TMEM158: variants seen among roughly 807,000 people sequenced by gnomAD.
TMEM158 encodes transmembrane protein 158.
TMEM158 carries 7 observed loss-of-function variants against 12.0 expected under a neutral mutation model. The ratio of observed to expected loss-of-function variants is 0.59; its 90% confidence interval spans 0.33 to 1.10. The LOEUF is 1.10. Ranked by LOEUF, TMEM158 falls within the 50% of genes least tolerant of loss-of-function variation. TMEM158 has a pLI of 0.03. For synonymous variants in TMEM158, 209 were observed against 231.1 expected, an observed-to-expected ratio of 0.90 and a Z score of 0.87; for missense variants, 405 against 454.7, an observed-to-expected ratio of 0.89 and a Z score of 0.99.
rs1320368667 is a variant in TMEM158 at position 45,225,311 on chromosome 3, G to T, written c.717C>A (p.Ala239=). 4.7e-6 allele frequency: 7 copies of T among 1,500,294 alleles called. No individual in the cohort carries two copies. The highest frequency in any genetic ancestry group is 6.3e-6 in the Non-Finnish European group (7 of 1,119,612). The allele number at this position is 1,500,294 out of a possible 1,614,324, so 92.9% of individuals were successfully genotyped here. ...MTLVIVVWSV[A]ALIWPVPIIA... ...TGATGGGCACCGGCCAGATGAGGGC[G>T]GCCACGCTCCACACCACGATGACCA... The change falls in exon 1 of 1, where the codon GCC becomes GCA. Residue 239 remains alanine (A), a synonymous_variant. Transcript: ENST00000503771. The surrounding 1 kb of genome is among the most constrained non-coding windows in gnomAD (Gnocchi z 5.7).
At position 45,225,577 on chromosome 3, in the gene TMEM158, C is replaced by T; in HGVS notation, c.451G>A (p.Gly151Ser). 1 of 1,145,264 alleles carries T rather than the reference C, an allele frequency of 8.7e-7. No individual in the cohort carries two copies. Among genetic ancestry groups the T allele is most frequent in the Non-Finnish European group, 1.1e-6 (1 of 934,486 alleles). 70.9% of individuals were successfully genotyped at this position (1,145,264 alleles called of 1,614,324 possible). A position where few individuals can be genotyped will look rare whatever the true frequency, so the allele number is the denominator to read the frequency against. The change falls in exon 1 of 1, where the codon GGT becomes AGT. Residue 151 changes from glycine (G) to serine (S), a missense_variant. Transcript: ENST00000503771. This position sits in a 1 kb window ranked among gnomAD's most constrained non-coding sequence, Gnocchi z 5.7. Reference sequence around the variant, plus strand: ...GGCCGGAGGCGGCCGGTGCGGCGACCGCGCACCCAGCCGCAGCCCACGCAG... The same window carrying T: ...GGCCGGAGGCGGCCGGTGCGGCGACTGCGCACCCAGCCGCAGCCCACGCAG... ...RLCVGCGWVR[G>S]RRTGRLRPAA...
Position 45,225,786 on chromosome 3 carries a change from TG to T in TMEM158, c.241del (p.Gln81ArgfsTer3). 1 of 1,411,304 alleles carries T rather than the reference TG, an allele frequency of 7.1e-7. No homozygotes were observed. Among genetic ancestry groups the T allele is most frequent in the Non-Finnish European group, 9.3e-7 (1 of 1,076,994 alleles). 87.4% of individuals were successfully genotyped at this position (1,411,304 alleles called of 1,614,324 possible). ...AAPCNISVQR[Q>X]MLSSLLVRWG... ...GCGCACGAGCAGCGAGCTCAGCATC[TG>T]CCGCTGCACGCTGATGTTGCACGGC... On this transcript the variant is annotated frameshift_variant, in exon 1 of 1. Coordinates refer to ENST00000503771, the MANE Select transcript of TMEM158 (RefSeq NM_015444.3). LOFTEE classifies it high-confidence loss of function. This position sits in a 1 kb window ranked among gnomAD's most constrained non-coding sequence, Gnocchi z 5.7.
rs1216209688 is a variant in TMEM158, at chr3:45,225,219, G to T, written c.809C>A (p.Pro270His). ...GGTGGTCCCTGCGGGCACTGCGGCG[G>T]GGGTGGCTGCGGTGGTGCTGGCGGT... ...RTTASTTAATPAAVPAGTTAA... is the reference protein window; with the variant it reads ...RTTASTTAATHAAVPAGTTAA... Residue 270 changes from proline to histidine, a missense_variant, in exon 1 of 1, where the codon CCC becomes CAC. Pro to His is a moderately conservative substitution (Grantham distance 77). Transcript: ENST00000503771. This position sits in a 1 kb window ranked among gnomAD's most constrained non-coding sequence, Gnocchi z 5.7. 1.5e-6 allele frequency: 2 copies of T among 1,299,978 alleles called. No individual in the cohort carries two copies. Among genetic ancestry groups the T allele is most frequent in the Non-Finnish European group, 2.0e-6 (2 of 1,019,148 alleles). 80.5% of individuals were successfully genotyped at this position (1,299,978 alleles called of 1,614,324 possible). A position where few individuals can be genotyped will look rare whatever the true frequency, so the allele number is the denominator to read the frequency against.
At position 45,226,140 on chromosome 3, in the gene TMEM158, G is replaced by C. The variant is rs1428277962; in HGVS notation, c.-113C>G. 1.0e-6 allele frequency: 1 copy of C among 979,470 alleles called. No individual in the cohort carries two copies. Among genetic ancestry groups the C allele is most frequent in the Non-Finnish European group, 1.2e-6 (1 of 827,164 alleles). The allele number at this position is 979,470 out of a possible 1,614,324, so 60.7% of individuals were successfully genotyped here. On this transcript the variant is annotated 5_prime_UTR_variant, in exon 1 of 1. Coordinates refer to ENST00000503771, the MANE Select transcript of TMEM158 (RefSeq NM_015444.3). Reference sequence around the variant, plus strand: ...GGGAGCCGGCGGCCGGGCGCAGTGCGGGCGCGCCGGGCGCCTGCCAAGCCC... The same window carrying C: ...GGGAGCCGGCGGCCGGGCGCAGTGCCGGCGCGCCGGGCGCCTGCCAAGCCC...
In TMEM158 at chr3:45,225,150, ACGGCCGCGGCGGCGGCGGCAGCGGCGG is replaced by A; in HGVS notation, c.851_877del (p.Ala284_Ala292del). On this transcript the variant is annotated inframe_deletion, in exon 1 of 1. Transcript: ENST00000503771. The surrounding 1 kb of genome is among the most constrained non-coding windows in gnomAD (Gnocchi z 5.7). ...TCACTTGGTCGCCACCCCCGAAGTGACGGCCGCGGCGGCGGCGGCAGCGGCGGCGGCGGCGGCGGCTGCGGTGGTCCC... is the reference window on the plus strand; with the variant it reads ...TCACTTGGTCGCCACCCCCGAAGTGACGGCGGCGGCGGCTGCGGTGGTCCC... The A allele has an allele frequency of 1.6e-6, 2 of 1,260,988 alleles. No homozygotes were observed. The highest frequency in any genetic ancestry group is 2.0e-6 in the Non-Finnish European group (2 of 1,007,512). 78.1% of individuals were successfully genotyped at this position (1,260,988 alleles called of 1,614,324 possible). A position where few individuals can be genotyped will look rare whatever the true frequency, so the allele number is the denominator to read the frequency against.
chr3:45,226,202 C>G lies in TMEM158; in HGVS notation c.-175G>C, dbSNP rs546755037. 33 of 849,040 alleles carry G rather than the reference C, an allele frequency of 3.9e-5. No homozygotes were observed. The East Asian group carries it at 2.9e-3, about 73-fold the overall frequency. 52.6% of individuals were successfully genotyped at this position (849,040 alleles called of 1,614,324 possible). A position where few individuals can be genotyped will look rare whatever the true frequency, so the allele number is the denominator to read the frequency against. ...GCGGAGGCGGTGACGGCGGCTGGCTCGGCGCGGGGATCCCTCCAGACCCGG... is the reference window on the plus strand; with the variant it reads ...GCGGAGGCGGTGACGGCGGCTGGCTGGGCGCGGGGATCCCTCCAGACCCGG... On this transcript the variant is annotated 5_prime_UTR_variant, in exon 1 of 1. Coordinates refer to ENST00000503771, the MANE Select transcript of TMEM158 (RefSeq NM_015444.3).
Position 45,225,787 on chromosome 3 carries a change from G to A in TMEM158, c.241C>T (p.Gln81Ter), listed in dbSNP as rs1700152723. The change falls in exon 1 of 1, where the codon CAG becomes TAG. Residue 81 changes from glutamine to a stop codon, truncating the protein, a stop_gained. Transcript: ENST00000503771. LOFTEE classifies it high-confidence loss of function. The surrounding 1 kb of genome is among the most constrained non-coding windows in gnomAD (Gnocchi z 5.7). ...AAPCNISVQR[Q>*]MLSSLLVRWG... ...CGCACGAGCAGCGAGCTCAGCATCT[G>A]CCGCTGCACGCTGATGTTGCACGGC... The A allele has an allele frequency of 1.4e-6, 2 of 1,407,014 alleles. No individual in the cohort carries two copies. Among genetic ancestry groups the A allele is most frequent in the Non-Finnish European group, 1.9e-6 (2 of 1,074,592 alleles). 87.2% of individuals were successfully genotyped at this position (1,407,014 alleles called of 1,614,324 possible).
Position 45,225,525 on chromosome 3 carries a change from G to T in TMEM158, c.503C>A (p.Ala168Asp). The T allele has an allele frequency of 9.5e-7, 1 of 1,056,168 alleles. No individual in the cohort carries two copies. Among genetic ancestry groups the T allele is most frequent in the Non-Finnish European group, 1.1e-6 (1 of 875,108 alleles). 65.4% of individuals were successfully genotyped at this position (1,056,168 alleles called of 1,614,324 possible). Residue 168 changes from alanine to aspartate, a missense_variant, in exon 1 of 1, where the codon GCC (alanine) becomes GAC (aspartate). Coordinates refer to ENST00000503771, the MANE Select transcript of TMEM158 (RefSeq NM_015444.3). The surrounding 1 kb of genome is among the most constrained non-coding windows in gnomAD (Gnocchi z 5.7). ...CAGCGCGGTGGGCGCCCCGGCGGTG[G>T]CGGCGGCGGCGCTGGGGGCGGCGGC... ...RPAAAPSAAA[A>D]TAGAPTALPA...
rs1355661979 is a variant in TMEM158 at position 45,225,296 on chromosome 3, C to T, written c.732G>A (p.Pro244=). 2 of 1,473,302 alleles carry T rather than the reference C, an allele frequency of 1.4e-6. No homozygotes were observed. Among genetic ancestry groups the T allele is most frequent in the South Asian group, 1.3e-5 (1 of 74,186 alleles). The allele number at this position is 1,473,302 out of a possible 1,614,324, so 91.3% of individuals were successfully genotyped here. Residue 244 remains proline (P), a synonymous_variant, in exon 1 of 1, where the codon CCG becomes CCA. Coordinates refer to ENST00000503771, the MANE Select transcript of TMEM158 (RefSeq NM_015444.3). The surrounding 1 kb of genome is among the most constrained non-coding windows in gnomAD (Gnocchi z 5.7). Reference sequence around the variant, plus strand: ...GCAGGAAGCCGGCGATGATGGGCACCGGCCAGATGAGGGCGGCCACGCTCC... The same window carrying T: ...GCAGGAAGCCGGCGATGATGGGCACTGGCCAGATGAGGGCGGCCACGCTCC... ...VVWSVAALIW[P]VPIIAGFLPN... is the part of the protein sequence containing the mutation.
Position 45,225,811 on chromosome 3 carries a change from G to A in TMEM158, c.217C>T (p.Pro73Ser). The A allele has an allele frequency of 7.5e-7, 1 of 1,332,102 alleles. No homozygotes were observed. The highest frequency in any genetic ancestry group is 9.6e-7 in the Non-Finnish European group (1 of 1,038,574). The allele number at this position is 1,332,102 out of a possible 1,614,324, so 82.5% of individuals were successfully genotyped here. Reference sequence around the variant, plus strand: ...TGCCGCTGCACGCTGATGTTGCACGGCGCCGCCGCCGCCGCCGCCTCCTCC... The same window carrying A: ...TGCCGCTGCACGCTGATGTTGCACGACGCCGCCGCCGCCGCCGCCTCCTCC... Reference protein sequence around the residue: ...GPEEAAAAAAPCNISVQRQML... With the variant: ...GPEEAAAAAASCNISVQRQML... Residue 73 changes from proline to serine, a missense_variant, in exon 1 of 1, where the codon CCG (proline) becomes TCG (serine). By Grantham distance (74) the Pro-to-Ser change is moderately conservative. Transcript: ENST00000503771. This position sits in a 1 kb window ranked among gnomAD's most constrained non-coding sequence, Gnocchi z 5.7.
At position 45,225,999 on chromosome 3, in the gene TMEM158, G is replaced by A; in HGVS notation, c.29C>T (p.Ala10Val). 9.4e-7 allele frequency: 1 copy of A among 1,058,562 alleles called. No homozygotes were observed. The highest frequency in any genetic ancestry group is 7.0e-5 in the East Asian group (1 of 14,222). The allele number at this position is 1,058,562 out of a possible 1,614,324, so 65.6% of individuals were successfully genotyped here. A position where few individuals can be genotyped will look rare whatever the true frequency, so the allele number is the denominator to read the frequency against. The change falls in exon 1 of 1, where the codon GCC becomes GTC. Residue 10 changes from alanine (A) to valine (V), a missense_variant. Coordinates refer to ENST00000503771, the MANE Select transcript of TMEM158 (RefSeq NM_015444.3). The surrounding 1 kb of genome is among the most constrained non-coding windows in gnomAD (Gnocchi z 5.7). MLPLLAALL[A>V]AACPLPPVRG... ...GACGGGCGGCAGCGGGCAGGCGGCG[G>A]CCAGGAGCGCGGCGAGCAGGGGCAG... is the stretch of plus-strand genomic sequence containing the variant.
chr3:45,225,982 G>C lies in TMEM158; in HGVS notation c.46C>G (p.Pro16Ala). 9.2e-7 allele frequency: 1 copy of C among 1,090,680 alleles called. No individual in the cohort carries two copies. Among genetic ancestry groups the C allele is most frequent in the Non-Finnish European group, 1.1e-6 (1 of 900,648 alleles). 67.6% of individuals were successfully genotyped at this position (1,090,680 alleles called of 1,614,324 possible). A position where few individuals can be genotyped will look rare whatever the true frequency, so the allele number is the denominator to read the frequency against. ...AALLAAACPLPPVRGGAADAP... is the reference protein window; with the variant it reads ...AALLAAACPLAPVRGGAADAP... ...TCCGCGGCCCCGCCGCGGACGGGCG[G>C]CAGCGGGCAGGCGGCGGCCAGGAGC... The change falls in exon 1 of 1, where the codon CCG becomes GCG. Residue 16 changes from proline to alanine, a missense_variant. By Grantham distance (27) the Pro-to-Ala change is conservative. Coordinates refer to ENST00000503771, the MANE Select transcript of TMEM158 (RefSeq NM_015444.3). The surrounding 1 kb of genome is among the most constrained non-coding windows in gnomAD (Gnocchi z 5.7).
At position 45,226,195 on chromosome 3, in the gene TMEM158, G is replaced by A; in HGVS notation, c.-168C>T. ...GGGCGGCGCGGAGGCGGTGACGGCG[G>A]CTGGCTCGGCGCGGGGATCCCTCCA... On this transcript the variant is annotated 5_prime_UTR_variant, in exon 1 of 1. Coordinates refer to ENST00000503771, the MANE Select transcript of TMEM158 (RefSeq NM_015444.3). The A allele has an allele frequency of 1.1e-6, 1 of 887,010 alleles. No individual in the cohort carries two copies. Among genetic ancestry groups the A allele is most frequent in the Non-Finnish European group, 1.3e-6 (1 of 741,740 alleles). 54.9% of individuals were successfully genotyped at this position (887,010 alleles called of 1,614,324 possible). A position where few individuals can be genotyped will look rare whatever the true frequency, so the allele number is the denominator to read the frequency against.
rs768023286 is a variant in TMEM158 at position 45,225,370 on chromosome 3, T to C, written c.658A>G (p.Ile220Val). The C allele has an allele frequency of 1.3e-6, 2 of 1,523,428 alleles. No individual in the cohort carries two copies. The highest frequency in any genetic ancestry group is 2.7e-5 in the East Asian group (1 of 37,600). 94.4% of individuals were successfully genotyped at this position (1,523,428 alleles called of 1,614,324 possible). A position where few individuals can be genotyped will look rare whatever the true frequency, so the allele number is the denominator to read the frequency against. The change falls in exon 1 of 1, where the codon ATT becomes GTT. Residue 220 changes from isoleucine (I) to valine (V), a missense_variant. By Grantham distance (29) the Ile-to-Val change is conservative. Transcript: ENST00000503771. The surrounding 1 kb of genome is among the most constrained non-coding windows in gnomAD (Gnocchi z 5.7). ...EPGWRLNRKP[I>V]ESTLVACFMT... is the part of the protein sequence containing the mutation. ...AAGCAGGCCACCAGCGTGGACTCAATGGGCTTACGGTTCAGCCGCCAGCCC... is the reference window on the plus strand; with the variant it reads ...AAGCAGGCCACCAGCGTGGACTCAACGGGCTTACGGTTCAGCCGCCAGCCC...
rs1269859776 is a variant in TMEM158 at position 45,225,217 on chromosome 3, CGGGGGTGGCTGCGGT to C, written c.796_810del (p.Thr266_Pro270del). ...GCGGTGGTCCCTGCGGGCACTGCGG[CGGGGGTGGCTGCGGT>C]GGTGCTGGCGGTGGTCCGGCGCTGT... On this transcript the variant is annotated inframe_deletion, in exon 1 of 1. Transcript: ENST00000503771. The surrounding 1 kb of genome is among the most constrained non-coding windows in gnomAD (Gnocchi z 5.7). 7.7e-7 allele frequency: 1 copy of C among 1,296,862 alleles called. No homozygotes were observed. The highest frequency in any genetic ancestry group is 9.8e-7 in the Non-Finnish European group (1 of 1,018,152). 80.3% of individuals were successfully genotyped at this position (1,296,862 alleles called of 1,614,324 possible).
At position 45,225,495 on chromosome 3, in the gene TMEM158, G is replaced by C. The variant is rs540882568; in HGVS notation, c.533C>G (p.Ala178Gly). The C allele has an allele frequency of 4.2e-4, 506 of 1,201,398 alleles. 1 individual carries two copies. In the African/African-American group the frequency reaches 4.3e-3, roughly 10 times the overall value. 74.4% of individuals were successfully genotyped at this position (1,201,398 alleles called of 1,614,324 possible). The change falls in exon 1 of 1, where the codon GCC becomes GGC. Residue 178 changes from alanine (A) to glycine (G), a missense_variant. Transcript: ENST00000503771. The surrounding 1 kb of genome is among the most constrained non-coding windows in gnomAD (Gnocchi z 5.7). ...CCCGGGCGGCTCGGCCGCGGGGTAG[G>C]CTGGCAGCGCGGTGGGCGCCCCGGC... ...ATAGAPTALP[A>G]YPAAEPPGPL... is the part of the protein sequence containing the mutation.
chr3:45,225,100 C>G lies in TMEM158; in HGVS notation c.*25G>C. The G allele has an allele frequency of 2.4e-6, 3 of 1,238,962 alleles. No homozygotes were observed. The highest frequency in any genetic ancestry group is 3.0e-6 in the Non-Finnish European group (3 of 994,522). 76.7% of individuals were successfully genotyped at this position (1,238,962 alleles called of 1,614,324 possible). On this transcript the variant is annotated 3_prime_UTR_variant, in exon 1 of 1. Coordinates refer to ENST00000503771, the MANE Select transcript of TMEM158 (RefSeq NM_015444.3). The surrounding 1 kb of genome is among the most constrained non-coding windows in gnomAD (Gnocchi z 5.7). ...GGCACCCGCGCGCGCGGACACAGGACGGACACAGGGAGGAGCGGAGCGGGT... is the reference window on the plus strand; with the variant it reads ...GGCACCCGCGCGCGCGGACACAGGAGGGACACAGGGAGGAGCGGAGCGGGT...
Position 45,225,961 on chromosome 3 carries a change from CGGCCCCGCCGCGGACG to C in TMEM158, c.51_66del (p.Val18ArgfsTer61). ...ACCCCGAGGAGGCCGGGCGCGTCCG[CGGCCCCGCCGCGGACG>C]GGCGGCAGCGGGCAGGCGGCGGCCA... On this transcript the variant is annotated frameshift_variant, in exon 1 of 1. Transcript: ENST00000503771. LOFTEE classifies it high-confidence loss of function. This position sits in a 1 kb window ranked among gnomAD's most constrained non-coding sequence, Gnocchi z 5.7. The C allele has an allele frequency of 1.8e-6, 2 of 1,125,450 alleles. No individual in the cohort carries two copies. Among genetic ancestry groups the C allele is most frequent in the Non-Finnish European group, 2.2e-6 (2 of 922,476 alleles). 69.7% of individuals were successfully genotyped at this position (1,125,450 alleles called of 1,614,324 possible). A position where few individuals can be genotyped will look rare whatever the true frequency, so the allele number is the denominator to read the frequency against.
In TMEM158 at chr3:45,226,245, C is replaced by A. The variant is rs568671825; in HGVS notation, c.-218G>T. 4.7e-6 allele frequency: 2 copies of A among 427,710 alleles called. No homozygotes were observed. The highest frequency in any genetic ancestry group is 1.3e-4 in the Admixed American group (2 of 15,360). 26.5% of individuals were successfully genotyped at this position (427,710 alleles called of 1,614,324 possible). A position where few individuals can be genotyped will look rare whatever the true frequency, so the allele number is the denominator to read the frequency against. On this transcript the variant is annotated 5_prime_UTR_variant, in exon 1 of 1. Coordinates refer to ENST00000503771, the MANE Select transcript of TMEM158 (RefSeq NM_015444.3). ...AGACCCGGTTGCGTTTGGGGTTCCC[C>A]GCCGCCCCCGGCGCCGGGGCCCTTG... is the stretch of plus-strand genomic sequence containing the variant.
Sources: allele counts gnomAD v4.1 joint callset, GRCh38; gene constraint gnomAD v4.1.1; non-coding constraint Gnocchi (gnomAD v3.1); transcripts MANE v1.5; gene names NCBI Gene and HGNC (gene_info 2026-07-23, HGNC 2026-07-21).